CLBA1: variants seen among roughly 807,000 people sequenced by gnomAD.
CLBA1 encodes clathrin binding box of aftiphilin containing 1, also known as uncharacterized protein CLBA1.
In CLBA1, 30 loss-of-function variants were observed where a neutral mutation model predicts 28.8. The observed-to-expected ratio is 1.04, with a 90% confidence interval of 0.78 to 1.41. The LOEUF is 1.41. Ranked by LOEUF, CLBA1 falls within the 40% of genes most tolerant of loss-of-function variation. The pLI is 0.00. For missense variants in CLBA1, 451 were observed against 412.3 expected, an observed-to-expected ratio of 1.09 and a Z score of -0.81; for synonymous variants, 160 against 152.8, an observed-to-expected ratio of 1.05 and a Z score of -0.35.
chr14:104,991,244 T>C (rs1900010397), intron 2 of CLBA1: 3 of 342,262 alleles, frequency 8.8e-6, no homozygotes, highest in South Asian at 8.0e-5. Flanking sequence ...CAGGCAGATC[T>C]TGAACTCCTG....
chr14:104,988,003 C>T (rs1164577582), intron 1 of CLBA1, among the ~76,000 whole-genome samples: 2 of 152,042 alleles, frequency 1.3e-5, no homozygotes, highest in African/African-American at 4.8e-5. Context: ...GTAAGGTCTG[C>T]TGTAATGCTT....
At chr14:104,991,656 T>C in intron 3 of CLBA1, 36 bp downstream of exon 3, 1 of 1,577,006 alleles carries the variant, frequency 6.3e-7, no homozygotes, top group Non-Finnish European at 8.6e-7. Context: ...CTCCTGGGAG[T>C]GTGGTTGAAC....
chr14:104,988,619 G>A (rs539255034), intron 1 of CLBA1, among the ~76,000 whole-genome samples: 72 of 152,300 alleles, frequency 4.7e-4, no homozygotes, highest in African/African-American at 1.6e-3. Context: ...GATTACAGGC[G>A]TGAGCCACCG....
At chr14:104,992,152 TCACA>T (rs756507737) in intron 3 of CLBA1, among the ~76,000 whole-genome samples, 2 of 118,214 alleles carry the variant, frequency 1.7e-5, no homozygotes, top group Non-Finnish European at 3.4e-5. Flanking sequence ...TGCACACGCC[TCACA>T]CACCACCACA....
intron 3 of CLBA1, among the ~76,000 whole-genome samples, chr14:104,992,074 C>G (rs1403906214): frequency 2.0e-4 from 28 of 143,302 alleles, no homozygotes; most frequent in African/African-American, 5.7e-4. Flanking sequence ...CCACGCACAC[C>G]CCGCCACGCA....
At chr14:104,997,506 T>C (rs1400948819), downstream of CLBA1, among the ~76,000 whole-genome samples, 1 of 152,006 alleles carries the variant, frequency 6.6e-6, no homozygotes, top group East Asian at 1.9e-4. Context: ...AATCCAAGAA[T>C]CTCTGTAACT....
At chr14:104,996,515 T>G (rs965890495), downstream of CLBA1, among the ~76,000 whole-genome samples, 4 of 152,242 alleles carry the variant, frequency 2.6e-5, no homozygotes, top group South Asian at 6.2e-4. Context: ...CTCACAGATA[T>G]GCTGGGATTT....
Position 104,986,499 on chromosome 14 carries a change from C to T in CLBA1, c.68C>T (p.Ser23Phe), listed in dbSNP as rs1330479498. ...CTCCAGGAGGAAGCAGCCAGCGCTT[C>T]CCTCCGAGTGGCACCTGAGAGGCTG... ...SDLQEEAASA[S>F]LRVAPERLSD... Residue 23 changes from serine to phenylalanine, a missense_variant, in exon 1 of 5, where the codon TCC becomes TTC. Ser to Phe is a radical substitution (Grantham distance 155). Transcript: ENST00000547315. The T allele has an allele frequency of 6.2e-7, 1 of 1,613,572 alleles. No homozygotes were observed. Among genetic ancestry groups the T allele is most frequent in the Admixed American group, 1.7e-5 (1 of 60,008 alleles).
At chr14:104,991,063 C>T (rs542587583) in intron 2 of CLBA1, 2 of 174,270 alleles carry the variant, frequency 1.1e-5, no homozygotes, top group East Asian at 1.8e-4. Flanking sequence ...CTCACTCTGT[C>T]CCCCAGGCTG....
At chr14:104,998,156 C>T (rs945579894), downstream of CLBA1, among the ~76,000 whole-genome samples, 33 of 152,016 alleles carry the variant, frequency 2.2e-4, no homozygotes, top group African/African-American at 8.0e-4. Context: ...CCTGTAATCC[C>T]AGCACTTTGA....
intron 2 of CLBA1, among the ~76,000 whole-genome samples, chr14:105,000,924 A>G (rs1486480529): frequency 6.6e-6 from 1 of 152,138 alleles, no homozygotes; most frequent in African/African-American, 2.4e-5. Context: ...GGAAATCAGT[A>G]TGTTGAAGAG....
At position 104,986,760 on chromosome 14, in the gene CLBA1, C is replaced by G. The variant is rs998032106; in HGVS notation, c.329C>G (p.Pro110Arg). 1.2e-6 allele frequency: 2 copies of G among 1,614,056 alleles called. No homozygotes were observed. The highest frequency in any genetic ancestry group is 2.2e-5 in the South Asian group (2 of 91,082). Reference sequence around the variant, plus strand: ...GAGGGACCCACAGAACCCCAGCCACCGAGAACCACTTCTGCCCCAAAAGAG... The same window carrying G: ...GAGGGACCCACAGAACCCCAGCCACGGAGAACCACTTCTGCCCCAAAAGAG... ...LLEGPTEPQPPRTTSAPKECS... is the reference protein window; with the variant it reads ...LLEGPTEPQPRRTTSAPKECS... Residue 110 changes from proline to arginine, a missense_variant, in exon 1 of 5, where the codon CCG (proline) becomes CGG (arginine). Pro to Arg is a moderately radical substitution (Grantham distance 103). Coordinates refer to ENST00000547315, the MANE Select transcript of CLBA1 (RefSeq NM_174891.4).
downstream of CLBA1, among the ~76,000 whole-genome samples, chr14:104,998,986 C>T (rs532470611): frequency 6.6e-6 from 1 of 152,382 alleles, no homozygotes; most frequent in Admixed American, 6.5e-5. Flanking sequence ...GCAGTCAGTG[C>T]TGAGTAGAGA....
chr14:104,994,560 C>T lies in CLBA1; in HGVS notation c.817-38C>T, dbSNP rs534610790. 2.7e-5 allele frequency: 43 copies of T among 1,569,992 alleles called. 1 individual carries two copies. Among genetic ancestry groups the T allele is most frequent in the African/African-American group, 1.8e-4 (13 of 73,346 alleles). On this transcript the variant is annotated intron_variant, in intron 4 of 4. Transcript: ENST00000547315. ...GCCCAAGCTAGCGCTTCTCATTGCC[C>T]GGGGTGCGCGCGCCTGACTGCTGTC...
rs532731266 is a variant in CLBA1, at chr14:104,987,913, A to G, written c.424-1030A>G. On this transcript the variant is annotated intron_variant, in intron 1 of 4. Coordinates refer to ENST00000547315, the MANE Select transcript of CLBA1 (RefSeq NM_174891.4). ...CGGCCTCTCAAAGTGCTGGGATTAC[A>G]GGCGTGAGCCACCATGCCCGGCCGG... Among the ~76,000 whole-genome samples, 200 of 152,010 alleles carry G rather than the reference A, an allele frequency of 1.3e-3. 1 individual carries two copies. Among genetic ancestry groups the G allele is most frequent in the African/African-American group, 4.5e-3 (187 of 41,468 alleles).
At chr14:104,994,466 G>A in intron 4 of CLBA1, 132 bp from the exon 5 acceptor site, 1 of 1,421,106 alleles carries the variant, frequency 7.0e-7, no homozygotes, top group East Asian at 2.6e-5. Flanking sequence ...ATGATGAGAA[G>A]GTTTCTAAGA....
chr14:104,992,977 G>A lies in CLBA1; in HGVS notation c.729G>A (p.Met243Ile), dbSNP rs779606303. Reference protein sequence around the residue: ...KNLSGGQGHIMEDCDLKEPEG... With the variant: ...KNLSGGQGHIIEDCDLKEPEG... ...TTTCTGGAGGCCAGGGCCACATCAT[G>A]GAAGATTGTGACCTCAAAGAGCCTG... Residue 243 changes from methionine to isoleucine, a missense_variant, in exon 4 of 5, where the codon ATG becomes ATA. By Grantham distance (10) the Met-to-Ile change is conservative (BLOSUM62 1). Transcript: ENST00000547315. The A allele has an allele frequency of 1.9e-6, 3 of 1,614,146 alleles. No homozygotes were observed. Among genetic ancestry groups the A allele is most frequent in the East Asian group, 2.2e-5 (1 of 44,884 alleles).
At chr14:104,995,775 C>T (rs1900146321), downstream of CLBA1, among the ~76,000 whole-genome samples, 1 of 152,368 alleles carries the variant, frequency 6.6e-6, no homozygotes, top group African/African-American at 2.4e-5. Flanking sequence ...ATAGCCAGCA[C>T]CATGTTGCAC....
chr14:104,997,982 C>G (rs528028138), downstream of CLBA1, among the ~76,000 whole-genome samples: 60 of 152,028 alleles, frequency 3.9e-4, no homozygotes, highest in Admixed American at 2.6e-4. Context: ...GCACTCCAGT[C>G]TGGGCAACAG....
Sources: gnomAD v4.1 joint callset for allele counts (sites outside exome capture counted in the v4.1 genomes callset) on GRCh38, gnomAD v4.1.1 for gene constraint, MANE v1.5 for transcripts, NCBI Gene and HGNC (gene_info 2026-07-23, HGNC 2026-07-21) for gene names.